Variants in CCSER1 observed in about 807,000 individuals in gnomAD.
CCSER1 encodes the protein serine-rich coiled-coil domain-containing protein 1.
A neutral mutation model predicts 82.0 loss-of-function variants in CCSER1; 41 were observed. The observed-to-expected ratio is 0.50, with a 90% CI of 0.39 to 0.65. The LOEUF is 0.65. CCSER1 is among the 30% of genes least tolerant of loss of function. The pLI, the probability that CCSER1 is intolerant of heterozygous loss-of-function variation, is 0.00. For synonymous variants in CCSER1, 414 were observed against 383.9 expected (o/e 1.08, Z -0.92); for missense variants, 1,119 against 1,064.2 (o/e 1.05, Z -0.72).
intron 9 of CCSER1, among the ~76,000 whole-genome samples, chr4:90,947,946 T>A (rs1245007721): frequency 1.3e-5 from 2 of 152,030 alleles, no homozygotes; most frequent in Non-Finnish European, 2.9e-5. Flanking sequence ...ATCTCCTAAA[T>A]CATGTGTTGT....
chr4:91,094,333 G>T (rs900419260), intron 10 of CCSER1, among the ~76,000 whole-genome samples: 3 of 152,154 alleles, frequency 2.0e-5, no homozygotes, highest in South Asian at 4.1e-4. Flanking sequence ...ACAGCTTTTG[G>T]CTCTCAGGAG....
chr4:90,274,467 A>G (rs1014909395), intron 1 of CCSER1, among the ~76,000 whole-genome samples: 1 of 152,176 alleles, frequency 6.6e-6, no homozygotes, highest in Non-Finnish European at 1.5e-5. Context: ...TAAGAAAACT[A>G]TGTCATGGAA....
intron 4 of CCSER1, among the ~76,000 whole-genome samples, chr4:90,451,588 A>G (rs890418684): frequency 1.3e-5 from 2 of 152,208 alleles, no homozygotes; most frequent in Non-Finnish European, 2.9e-5. Context: ...CCCAGCTGGA[A>G]GCTGGTAGAT....
intron 4 of CCSER1, among the ~76,000 whole-genome samples, chr4:90,424,052 C>T (rs1757157276): frequency 6.6e-6 from 1 of 150,674 alleles, no homozygotes; most frequent in African/African-American, 2.4e-5. Context: ...GATTGCGCCA[C>T]TGCGCTCCAG....
At chr4:90,968,603 G>C (rs767539060) in intron 9 of CCSER1, among the ~76,000 whole-genome samples, 7 of 152,080 alleles carry the variant, frequency 4.6e-5, no homozygotes, top group Non-Finnish European at 8.8e-5. Flanking sequence ...CCTCAAGAGG[G>C]AACAGGAGGA....
chr4:91,177,863 G>A (rs1030829029), intron 10 of CCSER1, among the ~76,000 whole-genome samples: 6 of 152,052 alleles, frequency 3.9e-5, no homozygotes, highest in African/African-American at 9.7e-5. Context: ...GCTTTTGAAG[G>A]TGTTTGCTCT....
intron 4 of CCSER1, among the ~76,000 whole-genome samples, chr4:90,466,931 G>A (rs1200550718): frequency 6.6e-6 from 1 of 152,090 alleles, no homozygotes; most frequent in East Asian, 1.9e-4. Flanking sequence ...AATTGAAATA[G>A]CCCCAAACTG....
intron 8 of CCSER1, among the ~76,000 whole-genome samples, chr4:90,877,304 T>C (rs1392901165): frequency 6.6e-6 from 1 of 152,124 alleles, no homozygotes; most frequent in Non-Finnish European, 1.5e-5. Context: ...CTTAACTCTC[T>C]TGTGTACCAG....
intron 1 of CCSER1, among the ~76,000 whole-genome samples, chr4:90,197,742 A>G (rs549662035): frequency 6.6e-6 from 1 of 152,172 alleles, no homozygotes; most frequent in African/African-American, 2.4e-5. Flanking sequence ...ACAATTGAAT[A>G]CAGGGAGATA....
At chr4:90,421,642 A>G (rs1756705431) in intron 4 of CCSER1, among the ~76,000 whole-genome samples, 2 of 152,306 alleles carry the variant, frequency 1.3e-5, no homozygotes, top group South Asian at 4.1e-4. Context: ...GATAAAAATA[A>G]TGATTTTTTT....
chr4:90,703,861 G>A (rs996131455), intron 6 of CCSER1, among the ~76,000 whole-genome samples: 6 of 151,982 alleles, frequency 3.9e-5, no homozygotes, highest in African/African-American at 1.2e-4. Context: ...TTGAGTCTAT[G>A]TGTGTCTCTG....
At chr4:91,074,715 T>A (rs1467222142) in intron 9 of CCSER1, among the ~76,000 whole-genome samples, 1 of 152,218 alleles carries the variant, frequency 6.6e-6, no homozygotes, top group Non-Finnish European at 1.5e-5. Flanking sequence ...TGAGCTACAG[T>A]TATCTAAAGT....
intron 1 of CCSER1, among the ~76,000 whole-genome samples, chr4:90,276,242 C>CTT (rs1318015414): frequency 8.9e-6 from 1 of 112,892 alleles, no homozygotes; most frequent in African/African-American, 3.6e-5. Context: ...TTCTTTCTTT[C>CTT]TTTCTTTCTT....
intron 10 of CCSER1, among the ~76,000 whole-genome samples, chr4:91,485,312 G>A (rs528408899): frequency 8.5e-5 from 13 of 152,160 alleles, no homozygotes; most frequent in Middle Eastern, 3.4e-3. Context: ...CTCAAATGTC[G>A]GGGAAAATAT....
chr4:91,116,433 G>A (rs962890302), intron 10 of CCSER1, among the ~76,000 whole-genome samples: 9 of 152,098 alleles, frequency 5.9e-5, no homozygotes, highest in South Asian at 2.1e-4. Flanking sequence ...CAGAATGCCC[G>A]CGAACAAATC....
intron 3 of CCSER1, among the ~76,000 whole-genome samples, chr4:90,332,015 CTT>C (rs2153496632): frequency 6.6e-6 from 1 of 151,894 alleles, no homozygotes; most frequent in East Asian, 1.9e-4. Flanking sequence ...CAACTTATTT[CTT>C]AAAAATAAAA....
chr4:91,101,734 A>C (rs1266647941), intron 10 of CCSER1, among the ~76,000 whole-genome samples: 2 of 152,142 alleles, frequency 1.3e-5, no homozygotes, highest in African/African-American at 4.8e-5. Context: ...AAAGGTTTTG[A>C]AAAGGTAATC....
intron 1 of CCSER1, among the ~76,000 whole-genome samples, chr4:90,267,281 G>A (rs1404996381): frequency 6.6e-6 from 1 of 151,928 alleles, no homozygotes; most frequent in African/African-American, 2.4e-5. Context: ...AATGAAGAGG[G>A]GGAAAGACTT....
At chr4:91,550,641 A>T (rs1762116886) in intron 10 of CCSER1, among the ~76,000 whole-genome samples, 1 of 152,156 alleles carries the variant, frequency 6.6e-6, no homozygotes, top group Non-Finnish European at 1.5e-5. Flanking sequence ...ATTATATTTA[A>T]AATTGAGAGC....
Sources: allele counts gnomAD v4.1 joint callset (sites outside exome capture counted in the v4.1 genomes callset), GRCh38; gene constraint gnomAD v4.1.1; transcripts MANE v1.5; gene names NCBI Gene and HGNC (gene_info 2026-07-23, HGNC 2026-07-21).